The following GALNT5 variants were observed in gnomAD, a reference collection of about 807,000 sequenced individuals.
GALNT5 encodes polypeptide N-acetylgalactosaminyltransferase 5.
In GALNT5, 72 loss-of-function variants were observed where a neutral mutation model predicts 85.4. That is an observed-to-expected ratio of 0.84 (90% CI 0.70 to 1.03). The LOEUF is 1.03. GALNT5 is among the 50% of genes least tolerant of loss of function. The pLI is 0.00. For synonymous variants in GALNT5, 404 were observed against 397.0 expected, an observed-to-expected ratio of 1.02 and a Z score of -0.21; for missense variants, 1,137 against 1,135.5, an observed-to-expected ratio of 1.00 and a Z score of -0.02.
At position 157,289,998 on chromosome 2, in the gene GALNT5, G is replaced by A. The variant is rs1014181705; in HGVS notation, c.1741+3864G>A. Among the ~76,000 whole-genome samples, 7 of 151,108 alleles carry A rather than the reference G, an allele frequency of 4.6e-5. No individual in the cohort carries two copies. In the East Asian group the frequency reaches 7.8e-4, roughly 17 times the overall value. The stretch of plus-strand genomic sequence containing the variant: ...CTGAGGCAGAGAATCTCTTGAACCC[G>A]GGAGGCGGAGGTTGCAGTGAGCCAA... On this transcript the variant is annotated intron_variant, in intron 3 of 9. Coordinates refer to ENST00000259056, the MANE Select transcript of GALNT5 (RefSeq NM_014568.3).
chr2:157,305,343 A>G (rs1683431712), intron 7 of GALNT5, among the ~76,000 whole-genome samples: 1 of 152,222 alleles, frequency 6.6e-6, no homozygotes, highest in African/African-American at 2.4e-5. Context: ...AGCAGTCAAA[A>G]GGCTTGAAGG....
chr2:157,290,479 G>C (rs965953940), intron 3 of GALNT5, among the ~76,000 whole-genome samples: 6 of 152,100 alleles, frequency 3.9e-5, no homozygotes, highest in South Asian at 4.2e-4. Flanking sequence ...TGGCAGGCGT[G>C]GTGGGTCCTC....
Position 157,259,173 on chromosome 2 carries a change from G to A in GALNT5, c.1091G>A (p.Ser364Asn). ...SQSKHISRNR[S>N]EMSSSSLAPH... ...AGTAAACACATTTCCAGGAATAGAA[G>A]TGAGATGTCTTCCTCTTCACTTGCT... Residue 364 changes from serine to asparagine, a missense_variant, in exon 1 of 10, where the codon AGT (serine) becomes AAT (asparagine). Transcript: ENST00000259056. 1 of 1,529,108 alleles carries A rather than the reference G, an allele frequency of 6.5e-7. No individual in the cohort carries two copies. The highest frequency in any genetic ancestry group is 8.8e-7 in the Non-Finnish European group (1 of 1,141,510). The allele number at this position is 1,529,108 out of a possible 1,614,324, so 94.7% of individuals were successfully genotyped here. A position where few individuals can be genotyped will look rare whatever the true frequency, so the allele number is the denominator to read the frequency against.
intron 1 of GALNT5, among the ~76,000 whole-genome samples, chr2:157,261,943 T>C (rs531602386): frequency 6.6e-6 from 1 of 152,190 alleles, no homozygotes; most frequent in Non-Finnish European, 1.5e-5. Context: ...GAAGTCAGCA[T>C]AAGGGGAAAT....
rs180870611 is a variant in GALNT5 at position 157,316,200 on chromosome 2, T to C, written c.*4852T>C. 4.4e-3 allele frequency among the ~76,000 whole-genome samples: 668 copies of C among 152,244 alleles called. 5 individuals carry two copies. Among genetic ancestry groups the C allele is most frequent in the African/African-American group, 0.015 (643 of 41,532 alleles). On this transcript the variant is annotated 3_prime_UTR_variant, in exon 10 of 10. Coordinates refer to ENST00000259056, the MANE Select transcript of GALNT5 (RefSeq NM_014568.3). ...GGAGCAGGAATCACCATATTGAATG[T>C]GCCTGGCTTCCAGGTACAGCTGCTA...
chr2:157,297,798 G>A (rs903652595), intron 5 of GALNT5, among the ~76,000 whole-genome samples: 2 of 152,094 alleles, frequency 1.3e-5, no homozygotes, highest in African/African-American at 4.8e-5. Flanking sequence ...CTGGCTGAGT[G>A]GTGACCACCA....
Position 157,258,676 on chromosome 2 carries a change from G to T in GALNT5, c.594G>T (p.Arg198=), listed in dbSNP as rs761274774. Residue 198 remains arginine (R), a synonymous_variant, in exon 1 of 10, where the codon CGG becomes CGT. Transcript: ENST00000259056. ...GTGTCAGTTTAAAACAGGAGCCCCGGAAGAGTCATAGTCCCAGCAGTGACA... is the reference window on the plus strand; with the variant it reads ...GTGTCAGTTTAAAACAGGAGCCCCGTAAGAGTCATAGTCCCAGCAGTGACA... ...MGRVSLKQEP[R]KSHSPSSDTS... 8 of 1,613,870 alleles carry T rather than the reference G, an allele frequency of 5.0e-6. No homozygotes were observed. Among genetic ancestry groups the T allele is most frequent in the Middle Eastern group, 3.3e-4 (2 of 6,062 alleles).
At chr2:157,305,014 A>G (rs1345985655) in intron 7 of GALNT5, among the ~76,000 whole-genome samples, 1 of 152,140 alleles carries the variant, frequency 6.6e-6, no homozygotes, top group Non-Finnish European at 1.5e-5. Context: ...GCTGTTCGAG[A>G]AATCTGAAAA....
intron 1 of GALNT5, among the ~76,000 whole-genome samples, chr2:157,267,622 C>G (rs940091978): frequency 2.6e-5 from 4 of 152,216 alleles, no homozygotes; most frequent in Non-Finnish European, 4.4e-5. Flanking sequence ...TCCTCTTCTC[C>G]CTGCCGTCCC....
In GALNT5 at chr2:157,305,845, T is replaced by A; in HGVS notation, c.2520+16T>A. The A allele has an allele frequency of 1.4e-6, 2 of 1,446,816 alleles. No individual in the cohort carries two copies. Among genetic ancestry groups the A allele is most frequent in the South Asian group, 2.3e-5 (2 of 87,552 alleles). 89.6% of individuals were successfully genotyped at this position (1,446,816 alleles called of 1,614,324 possible). On this transcript the variant is annotated intron_variant, in intron 8 of 9. Coordinates refer to ENST00000259056, the MANE Select transcript of GALNT5 (RefSeq NM_014568.3). Reference sequence around the variant, plus strand: ...GAGCAAAGAGGTATGCTAAACTGTTTTCTATCTCATGGTAGCTGATAGGTG... The same window carrying A: ...GAGCAAAGAGGTATGCTAAACTGTTATCTATCTCATGGTAGCTGATAGGTG...
chr2:157,301,067 T>C, intron 7 of GALNT5, 68 bp downstream of exon 7: 3 of 1,141,154 alleles, frequency 2.6e-6, no homozygotes, highest in Non-Finnish European at 3.8e-6. Flanking sequence ...TTCAAAAATG[T>C]GTGGAAAGAA....
intron 3 of GALNT5, 74 bp downstream of exon 3, chr2:157,286,208 T>C (rs905086172): frequency 2.4e-6 from 3 of 1,266,686 alleles, no homozygotes; most frequent in East Asian, 2.5e-5. Context: ...ATACAGCAAA[T>C]GTGAAAGACC....
intron 2 of GALNT5, among the ~76,000 whole-genome samples, chr2:157,285,709 T>A (rs544414379): frequency 1.6e-4 from 25 of 152,298 alleles, no homozygotes; most frequent in African/African-American, 6.0e-4. Flanking sequence ...CTGAGCTACA[T>A]ATATTTTAAG....
intron 1 of GALNT5, among the ~76,000 whole-genome samples, chr2:157,281,564 G>A (rs548703917): frequency 1.3e-5 from 2 of 152,198 alleles, no homozygotes; most frequent in South Asian, 2.1e-4. Flanking sequence ...ATCAAATTGC[G>A]CCATGGCATT....
intron 8 of GALNT5, among the ~76,000 whole-genome samples, chr2:157,307,433 G>A (rs913342269): frequency 1.3e-5 from 2 of 152,154 alleles, no homozygotes; most frequent in Admixed American, 6.5e-5. Flanking sequence ...CAGTTGAAAC[G>A]TATTTTTTCA....
At chr2:157,276,690 T>C (rs2105132978) in intron 1 of GALNT5, among the ~76,000 whole-genome samples, 1 of 152,344 alleles carries the variant, frequency 6.6e-6, no homozygotes, top group South Asian at 2.1e-4. Context: ...TCATTTTTTA[T>C]TGCATCTATT....
At chr2:157,261,542 C>G (rs1574009159) in intron 1 of GALNT5, among the ~76,000 whole-genome samples, 1 of 152,352 alleles carries the variant, frequency 6.6e-6, no homozygotes, top group Non-Finnish European at 1.5e-5. Flanking sequence ...ACATAACCCA[C>G]CTTGGCTAAA....
intron 1 of GALNT5, among the ~76,000 whole-genome samples, chr2:157,275,678 A>G (rs773758690): frequency 6.6e-6 from 1 of 152,206 alleles, no homozygotes; most frequent in Non-Finnish European, 1.5e-5. Flanking sequence ...TTGATTTTGT[A>G]TCCTGAGACT....
chr2:157,263,392 T>C (rs914150126), intron 1 of GALNT5, among the ~76,000 whole-genome samples: 1 of 152,188 alleles, frequency 6.6e-6, no homozygotes, highest in African/African-American at 2.4e-5. Flanking sequence ...CTTGCACACA[T>C]TCTAATTCAA....
Sources: allele counts gnomAD v4.1 joint callset (sites outside exome capture counted in the v4.1 genomes callset), GRCh38; gene constraint gnomAD v4.1.1; transcripts MANE v1.5; gene names NCBI Gene and HGNC (gene_info 2026-07-23, HGNC 2026-07-21).